The following PUDP variants were observed in gnomAD, a reference collection of about 807,000 sequenced individuals.
PUDP encodes the protein pseudouridine 5'-phosphatase, also known as pseudouridine-5'-phosphatase.
A neutral mutation model predicts 9.4 loss-of-function variants in PUDP; 8 were observed. That is an observed-to-expected ratio of 0.85 (90% CI 0.50 to 1.53). The LOEUF is 1.53. PUDP is among the 40% of genes most tolerant of loss of function. PUDP has a pLI of 0.00. For synonymous variants in PUDP, 99 were observed against 80.7 expected, an observed-to-expected ratio of 1.23 and a Z score of -1.22; for missense variants, 188 against 189.7, an observed-to-expected ratio of 0.99 and a Z score of 0.05.
At chrX:6,883,864 G>A (rs1217580279) in intron 3 of PUDP, among the ~76,000 whole-genome samples, 9 of 110,336 alleles carry the variant, frequency 8.2e-5, no homozygotes, top group Non-Finnish European at 1.5e-4. Flanking sequence ...TTTTTGAGAC[G>A]GAGTCTCACT....
At chrX:6,914,482 C>G (rs1418558328) in intron 3 of PUDP, among the ~76,000 whole-genome samples, 1 of 111,761 alleles carries the variant, frequency 8.9e-6, no homozygotes, top group Non-Finnish European at 1.9e-5. Context: ...TCCATGGTGT[C>G]TCTAAAGAGC....
chrX:6,953,000 G>C (rs771267751), intron 3 of PUDP, among the ~76,000 whole-genome samples: 7 of 111,604 alleles, frequency 6.3e-5, no homozygotes, highest in African/African-American at 2.3e-4. Flanking sequence ...GATTAAACTA[G>C]AGTTATAGGT....
At chrX:6,794,739 T>C (rs753701272) in intron 3 of PUDP, among the ~76,000 whole-genome samples, 282 of 109,008 alleles carry the variant, frequency 2.6e-3, no homozygotes, top group Non-Finnish European at 4.3e-3. Context: ...TTTGTGTTTT[T>C]AGTAGAGAAG....
intron 3 of PUDP, among the ~76,000 whole-genome samples, chrX:7,067,132 G>T (rs989711571): frequency 8.9e-6 from 1 of 112,122 alleles, no homozygotes; most frequent in Admixed American, 9.4e-5. Context: ...ACTTCATTCT[G>T]TTCTGAGATT....
At chrX:6,858,415 G>A (rs1926945918) in intron 3 of PUDP, among the ~76,000 whole-genome samples, 1 of 101,843 alleles carries the variant, frequency 9.8e-6, no homozygotes, top group Non-Finnish European at 2.0e-5. Context: ...CCACAGCCTC[G>A]AATCTCTGGG....
chrX:6,897,474 T>C (rs28644459), intron 3 of PUDP, among the ~76,000 whole-genome samples: 17,171 of 110,756 alleles, frequency 0.16, 1,245 homozygotes, highest in Middle Eastern at 0.23. Flanking sequence ...TCTTGTAGGA[T>C]GCAGTTTGTC....
At chrX:6,902,503 G>C (rs1026262487) in intron 3 of PUDP, among the ~76,000 whole-genome samples, 4 of 112,378 alleles carry the variant, frequency 3.6e-5, no homozygotes, top group Non-Finnish European at 5.6e-5. Flanking sequence ...TCGGTATAAA[G>C]AAAGTGACTT....
chrX:7,098,895 G>A (rs1373073869), intron 2 of PUDP, among the ~76,000 whole-genome samples: 1 of 111,024 alleles, frequency 9.0e-6, no homozygotes, highest in Non-Finnish European at 1.9e-5. Flanking sequence ...GCCAAGAGAT[G>A]CAGGGGAGAG....
At chrX:6,946,724 T>A (rs1928469843) in intron 3 of PUDP, among the ~76,000 whole-genome samples, 1 of 110,268 alleles carries the variant, frequency 9.1e-6, no homozygotes, top group African/African-American at 3.3e-5. Context: ...TAAAAAAAAA[T>A]CACAAAGCAG....
chrX:6,797,970 C>T (rs1399446438), intron 3 of PUDP, among the ~76,000 whole-genome samples: 1 of 107,473 alleles, frequency 9.3e-6, no homozygotes, highest in Admixed American at 9.8e-5. Flanking sequence ...GTTGACCTGA[C>T]TACTTTAATA....
chrX:6,989,581 G>A, intron 1 of PUDP: 1 of 128,089 alleles, frequency 7.8e-6, no homozygotes, highest in South Asian at 2.6e-4. Context: ...TTATGCCATT[G>A]CCAAAAAGAA....
chrX:7,122,484 G>C (rs1932371034), intron 1 of PUDP, among the ~76,000 whole-genome samples: 1 of 111,397 alleles, frequency 9.0e-6, no homozygotes, highest in Non-Finnish European at 1.9e-5. Flanking sequence ...TTTCAAAGCA[G>C]AATCTCAGAC....
intron 3 of PUDP, among the ~76,000 whole-genome samples, chrX:6,912,374 A>G (rs1206352224): frequency 8.9e-6 from 1 of 112,186 alleles, no homozygotes; most frequent in Non-Finnish European, 1.9e-5. Context: ...ACCAGTGTGC[A>G]TGCTACCCAA....
intron 3 of PUDP, chrX:7,057,670 G>C (rs1372502664): frequency 8.7e-7 from 1 of 1,147,164 alleles, no homozygotes; most frequent in South Asian, 1.9e-5. Flanking sequence ...GAAGGCTCGG[G>C]GTCTCCATGC....
rs745370413 is a variant in PUDP, at chrX:7,024,680, G to A, written c.205-46337C>T. 5.4e-4 allele frequency among the ~76,000 whole-genome samples: 57 copies of A among 105,561 alleles called. 1 individual carries two copies. The highest frequency in any genetic ancestry group is 4.9e-3 in the Middle Eastern group (1 of 204). 91.7% of individuals were successfully genotyped at this position (105,561 alleles called of 115,157 possible). On this transcript the variant is annotated intron_variant and NMD_transcript_variant, in intron 1 of 3. Transcript: ENST00000655425. ...CAGCTCACTGCAAGGTCCGCCTTCCGGGTTCACGCCATTCTCCTACCTCAG... is the reference window on the plus strand; with the variant it reads ...CAGCTCACTGCAAGGTCCGCCTTCCAGGTTCACGCCATTCTCCTACCTCAG...
intron 3 of PUDP, among the ~76,000 whole-genome samples, chrX:6,858,441 C>G (rs1926946440): frequency 1.8e-5 from 2 of 108,158 alleles, no homozygotes; most frequent in South Asian, 8.3e-4. Flanking sequence ...GCCATCCTCC[C>G]ACCTCAGCCT....
chrX:6,828,193 T>C (rs145729186), intron 3 of PUDP, among the ~76,000 whole-genome samples: 1 of 111,540 alleles, frequency 9.0e-6, no homozygotes, highest in East Asian at 2.8e-4. Context: ...CACCGTTTCA[T>C]AGCCAACACC....
chrX:7,059,514 T>C (rs962545399), intron 3 of PUDP, among the ~76,000 whole-genome samples: 2 of 111,977 alleles, frequency 1.8e-5, no homozygotes, highest in Non-Finnish European at 3.8e-5. Context: ...ATGAGACTCA[T>C]GATCCGCAAG....
intron 3 of PUDP, among the ~76,000 whole-genome samples, chrX:6,955,562 A>G (rs1052939341): frequency 1.8e-5 from 2 of 111,378 alleles, no homozygotes; most frequent in South Asian, 3.9e-4. Flanking sequence ...AGTTCTCATT[A>G]TGCTTTTCTA....
Sources: gnomAD v4.1 joint callset for allele counts (sites outside exome capture counted in the v4.1 genomes callset) on GRCh38, gnomAD v4.1.1 for gene constraint, MANE v1.5 for transcripts, NCBI Gene and HGNC (gene_info 2026-07-23, HGNC 2026-07-21) for gene names.